The following TET2 variants were observed in gnomAD, a reference collection of about 807,000 sequenced individuals.
TET2 encodes methylcytosine dioxygenase TET2.
In TET2, 299 loss-of-function variants were observed where a neutral mutation model predicts 142.9. The observed-to-expected ratio is 2.09, with a 90% CI of 1.90 to 2.30. TET2 has a LOEUF of 2.30. Among genes scored for constraint, TET2 ranks in the 30% most tolerant of loss-of-function variants. The pLI, the probability that TET2 is intolerant of heterozygous loss-of-function variation, is 0.00. For missense variants in TET2, 2,418 were observed against 2,378.0 expected, an observed-to-expected ratio of 1.02 and a Z score of -0.35; for synonymous variants, 819 against 849.0, an observed-to-expected ratio of 0.96 and a Z score of 0.61.
chr4:105,238,575 G>T (rs1361976423), intron 3 of TET2: 1 of 243,940 alleles, frequency 4.1e-6, no homozygotes, highest in Admixed American at 5.7e-5. Context: ...TCATCCATAA[G>T]AAGCAACTTC....
chr4:105,242,705 A>G, intron 4 of TET2, 129 bp from the exon 5 acceptor site: 1 of 1,456,062 alleles, frequency 6.9e-7, no homozygotes. Flanking sequence ...TGTTTAAAAA[A>G]TAATAAACCG....
chr4:105,226,602 C>A, intron 2 of TET2, among the ~76,000 whole-genome samples: 1 of 151,044 alleles, frequency 6.6e-6, no homozygotes, highest in East Asian at 1.9e-4. Flanking sequence ...TGTCTCCTTC[C>A]CTCCCTCTCT....
In TET2 at chr4:105,275,898, G is replaced by A. The variant is rs1484799707; in HGVS notation, c.5388G>A (p.Gly1796=). The A allele has an allele frequency of 2.6e-6, 4 of 1,552,010 alleles. No homozygotes were observed. Among genetic ancestry groups the A allele is most frequent in the Non-Finnish European group, 3.5e-6 (4 of 1,147,036 alleles). ...ENDMLSHTAN[G]LSKMLPALNH... ...ACATGCTTTCCCACACAGCTAATGG[G>A]TTATCAAAGATGCTTCCAGCTCTTA... Residue 1796 remains glycine, a synonymous_variant, in exon 11 of 11, where the codon GGG becomes GGA. Coordinates refer to ENST00000380013, the MANE Select transcript of TET2 (RefSeq NM_001127208.3).
intron 1 of TET2, among the ~76,000 whole-genome samples, chr4:105,163,481 A>G (rs1723958248): frequency 6.6e-6 from 1 of 152,202 alleles, no homozygotes; most frequent in Non-Finnish European, 1.5e-5. Flanking sequence ...GTTGCCTCAA[A>G]TAGCGTAACA....
intron 2 of TET2, among the ~76,000 whole-genome samples, chr4:105,224,850 GAA>G (rs778336147): frequency 7.3e-5 from 11 of 151,580 alleles, no homozygotes; most frequent in Non-Finnish European, 1.3e-4. Flanking sequence ...TAGAATTTCT[GAA>G]AAAAATGGTG....
At chr4:105,182,192 T>A (rs1725158686) in intron 1 of TET2, among the ~76,000 whole-genome samples, 1 of 152,192 alleles carries the variant, frequency 6.6e-6, no homozygotes. Flanking sequence ...TATTTAAGAA[T>A]CATGCAAACA....
At chr4:105,256,820 C>T (rs1730158001) in intron 6 of TET2, among the ~76,000 whole-genome samples, 1 of 152,084 alleles carries the variant, frequency 6.6e-6, no homozygotes, top group African/African-American at 2.4e-5. Flanking sequence ...GACTTATCTT[C>T]AAGTCCCTTT....
At chr4:105,173,540 C>CA (rs1724603256) in intron 1 of TET2, among the ~76,000 whole-genome samples, 2 of 151,566 alleles carry the variant, frequency 1.3e-5, no homozygotes, top group Non-Finnish European at 2.9e-5. Context: ...CTCAAACAAA[C>CA]AAAAAAGACT....
rs1438423519 is a variant in TET2, at chr4:105,195,322, C to CA, written c.-47+4818dup. ...CACTAAAAACGTTTATTCATCTTTACAGATGTTAATCTGACCAGACATTTT... is the reference window on the plus strand; with the variant it reads ...CACTAAAAACGTTTATTCATCTTTACAAGATGTTAATCTGACCAGACATTTT... On this transcript the variant is annotated intron_variant, in intron 2 of 10. Transcript: ENST00000380013. 3.3e-5 allele frequency among the ~76,000 whole-genome samples: 5 copies of CA among 152,230 alleles called. No homozygotes were observed. The South Asian group carries it at 6.2e-4, about 19-fold the overall frequency.
intron 2 of TET2, chr4:105,202,446 A>C (rs753939628): frequency 4.6e-5 from 7 of 152,196 alleles, no homozygotes. Flanking sequence ...TCTAAATCCT[A>C]GGTCGCTTCC....
chr4:105,234,397 G>C lies in TET2; in HGVS notation c.455G>C (p.Ser152Thr), dbSNP rs772521765. 1 of 1,614,028 alleles carries C rather than the reference G, an allele frequency of 6.2e-7. No individual in the cohort carries two copies. The highest frequency in any genetic ancestry group is 1.7e-5 in the Admixed American group (1 of 59,990). The stretch of plus-strand genomic sequence containing the variant: ...TTGAGTGATAAGAAAGAATCTGTGA[G>C]TTCTGTAGCCCAAGAAAATGCAGTT... ...SDLSDKKESV[S>T]SVAQENAVKD... Residue 152 changes from serine (S) to threonine (T), a missense_variant, in exon 3 of 11, where the codon AGT becomes ACT. Physicochemically the swap from Ser to Thr is moderately conservative, Grantham distance 58. Coordinates refer to ENST00000380013, the MANE Select transcript of TET2 (RefSeq NM_001127208.3).
chr4:105,176,686 T>G (rs1724814946), intron 1 of TET2, among the ~76,000 whole-genome samples: 1 of 152,160 alleles, frequency 6.6e-6, no homozygotes, highest in South Asian at 2.1e-4. Flanking sequence ...AGATGTCAGT[T>G]CTTCCCAACT....
chr4:105,230,061 A>C (rs1728420526), intron 2 of TET2, among the ~76,000 whole-genome samples: 1 of 151,818 alleles, frequency 6.6e-6, no homozygotes, highest in Non-Finnish European at 1.5e-5. Context: ...ATATTTTTTG[A>C]GACAGTGTCT....
chr4:105,180,642 A>ATTT (rs112365489), intron 1 of TET2, among the ~76,000 whole-genome samples: 5 of 146,812 alleles, frequency 3.4e-5, no homozygotes, highest in Non-Finnish European at 1.5e-5. Flanking sequence ...CCATTTTATC[A>ATTT]TTTTTTTTTT....
chr4:105,257,047 C>A (rs1179258053), intron 6 of TET2, among the ~76,000 whole-genome samples: 1 of 152,076 alleles, frequency 6.6e-6, no homozygotes, highest in Non-Finnish European at 1.5e-5. Context: ...GTCCAGTGGC[C>A]TAACATCTGG....
intron 3 of TET2, chr4:105,240,429 A>G (rs371616330): frequency 1.1e-5 from 12 of 1,074,230 alleles, no homozygotes; most frequent in East Asian, 1.0e-4. Flanking sequence ...ATAGAGATGA[A>G]GATCTTAATT....
At chr4:105,260,582 C>A (rs548479103) in intron 7 of TET2, among the ~76,000 whole-genome samples, 3 of 152,078 alleles carry the variant, frequency 2.0e-5, no homozygotes, top group African/African-American at 7.2e-5. Context: ...TATACACTTA[C>A]AATTATCTTT....
intron 1 of TET2, among the ~76,000 whole-genome samples, chr4:105,180,814 T>C (rs1725077961): frequency 6.6e-6 from 1 of 152,142 alleles, no homozygotes; most frequent in Admixed American, 6.5e-5. Context: ...TAATTCTGTA[T>C]TTTTAGTAGA....
chr4:105,170,693 C>G (rs768015767), intron 1 of TET2, among the ~76,000 whole-genome samples: 1 of 152,162 alleles, frequency 6.6e-6, no homozygotes, highest in East Asian at 1.9e-4. Flanking sequence ...CTTCTGGAGC[C>G]GAGGAAACAT....
Sources: allele counts gnomAD v4.1 joint callset (sites outside exome capture counted in the v4.1 genomes callset), GRCh38; gene constraint gnomAD v4.1.1; transcripts MANE v1.5; gene names NCBI Gene and HGNC (gene_info 2026-07-23, HGNC 2026-07-21).